Variants in AMPH observed in about 807,000 individuals in gnomAD.
AMPH encodes amphiphysin.
AMPH carries 49 observed loss-of-function variants against 99.1 expected under a neutral mutation model. That is an observed-to-expected ratio of 0.49 (90% CI 0.39 to 0.63). AMPH has a LOEUF of 0.63. Among genes scored for constraint, AMPH ranks in the 20% least tolerant of loss-of-function variants. AMPH has a pLI of 0.00. For missense variants in AMPH, 759 were observed against 863.4 expected (o/e 0.88, Z 1.52); for synonymous variants, 314 against 317.3 (o/e 0.99, Z 0.11).
At chr7:38,498,066 T>C (rs575205607) in intron 3 of AMPH, among the ~76,000 whole-genome samples, 1 of 152,322 alleles carries the variant, frequency 6.6e-6, no homozygotes, top group East Asian at 1.9e-4. Context: ...ACTTCACATG[T>C]CAAAAACAAA....
intron 1 of AMPH, among the ~76,000 whole-genome samples, chr7:38,566,669 A>G (rs554546654): frequency 6.6e-6 from 1 of 152,358 alleles, no homozygotes; most frequent in South Asian, 2.1e-4. Context: ...GCTAATATCC[A>G]GAATCTACAA....
rs544036143 is a variant in AMPH, at chr7:38,610,234, CAAAAAAA to C, written c.69+21042_69+21048del. On this transcript the variant is annotated intron_variant, in intron 1 of 20. Transcript: ENST00000356264. ...CCGGGCAACAAAAGCTAAGCTCTCT[CAAAAAAA>C]AAAAAAAAAAAAAAAAAAAAAAGAA... 6.5e-3 allele frequency among the ~76,000 whole-genome samples: 40 copies of C among 6,128 alleles called. 5 individuals carry two copies. The highest frequency in any genetic ancestry group is 0.016 in the Admixed American group (5 of 318). 4.0% of individuals were successfully genotyped at this position (6,128 alleles called of 152,430 possible).
At position 38,573,227 on chromosome 7, in the gene AMPH, T is replaced by C. The variant is rs116505335; in HGVS notation, c.70-38216A>G. On this transcript the variant is annotated intron_variant, in intron 1 of 20. Coordinates refer to ENST00000356264, the MANE Select transcript of AMPH (RefSeq NM_001635.4). ...GCTTCCCATGTCACACTCTCCATCATGGCCAAACTGGTTCAGCCTCAGTCC... is the reference window on the plus strand; with the variant it reads ...GCTTCCCATGTCACACTCTCCATCACGGCCAAACTGGTTCAGCCTCAGTCC... Among the ~76,000 whole-genome samples, 1,153 of 152,326 alleles carry C rather than the reference T, an allele frequency of 7.6e-3. 18 individuals carry two copies. The highest frequency in any genetic ancestry group is 0.039 in the South Asian group (189 of 4,828).
intron 12 of AMPH, among the ~76,000 whole-genome samples, chr7:38,435,306 T>A (rs769320706): frequency 6.6e-6 from 1 of 152,214 alleles, no homozygotes; most frequent in Non-Finnish European, 1.5e-5. Flanking sequence ...TAATCCTTAT[T>A]TATTAAGGTT....
At chr7:38,599,259 C>T (rs549291635) in intron 1 of AMPH, among the ~76,000 whole-genome samples, 1 of 152,278 alleles carries the variant, frequency 6.6e-6, no homozygotes, top group African/African-American at 2.4e-5. Context: ...ATTTCAACTG[C>T]ACTGGTCCAT....
At chr7:38,564,400 C>T (rs563673716) in intron 1 of AMPH, among the ~76,000 whole-genome samples, 27 of 152,276 alleles carry the variant, frequency 1.8e-4, no homozygotes, top group African/African-American at 5.8e-4. Flanking sequence ...GAAAAGTCCT[C>T]AAGTGGCAAG....
intron 1 of AMPH, among the ~76,000 whole-genome samples, chr7:38,598,538 G>A (rs55883929): frequency 9.0e-4 from 137 of 152,166 alleles, no homozygotes; most frequent in African/African-American, 3.1e-3. Flanking sequence ...TCCTGACCTC[G>A]TGATCCACCT....
intron 1 of AMPH, among the ~76,000 whole-genome samples, chr7:38,553,663 C>T (rs969511865): frequency 2.6e-5 from 4 of 152,188 alleles, no homozygotes; most frequent in African/African-American, 9.7e-5. Flanking sequence ...ATATTGTCCT[C>T]CTGAGCTTTC....
At chr7:38,497,143 G>A (rs995132524) in intron 3 of AMPH, among the ~76,000 whole-genome samples, 23 of 152,194 alleles carry the variant, frequency 1.5e-4, no homozygotes, top group Admixed American at 1.2e-3. Context: ...TGGATACACA[G>A]GTGAAAGGCT....
chr7:38,397,741 T>C (rs531740500), intron 17 of AMPH, among the ~76,000 whole-genome samples: 1 of 152,284 alleles, frequency 6.6e-6, no homozygotes, highest in South Asian at 2.1e-4. Context: ...GGAGAAAATA[T>C]TTGTGAACTA....
chr7:38,539,451 G>A (rs542572481), intron 1 of AMPH, among the ~76,000 whole-genome samples: 3 of 152,254 alleles, frequency 2.0e-5, no homozygotes, highest in African/African-American at 4.8e-5. Context: ...CTATAAGGGG[G>A]TCACACAGTA....
intron 1 of AMPH, among the ~76,000 whole-genome samples, chr7:38,597,457 A>G (rs1793100065): frequency 1.3e-5 from 2 of 152,226 alleles, no homozygotes; most frequent in Admixed American, 1.3e-4. Flanking sequence ...AAGGTAAAAC[A>G]TATGTTATAC....
intron 4 of AMPH, among the ~76,000 whole-genome samples, chr7:38,493,962 T>C (rs1788825263): frequency 6.6e-6 from 1 of 152,176 alleles, no homozygotes; most frequent in Non-Finnish European, 1.5e-5. Flanking sequence ...TTCACTTTTC[T>C]TTTATTTTCT....
intron 17 of AMPH, among the ~76,000 whole-genome samples, chr7:38,412,984 T>G (rs1002766555): frequency 1.3e-5 from 2 of 152,178 alleles, no homozygotes; most frequent in African/African-American, 4.8e-5. Flanking sequence ...CTGGGTCCAT[T>G]GCCATTTCTG....
chr7:38,579,615 C>G (rs1251881261), intron 1 of AMPH, among the ~76,000 whole-genome samples: 1 of 152,184 alleles, frequency 6.6e-6, no homozygotes, highest in African/African-American at 2.4e-5. Flanking sequence ...ACTCAATATC[C>G]TAAGACTTAA....
intron 16 of AMPH, among the ~76,000 whole-genome samples, 157 bp downstream of exon 16, chr7:38,422,264 G>A (rs1785605300): frequency 6.6e-6 from 1 of 152,138 alleles, no homozygotes; most frequent in African/African-American, 2.4e-5. Context: ...GTCACACTGA[G>A]GTTTTACAGA....
In AMPH at chr7:38,494,370, T is replaced by TC. The variant is rs1788844241; in HGVS notation, c.300+62dup. 5.1e-6 allele frequency: 7 copies of TC among 1,368,744 alleles called. 1 individual carries two copies. The highest frequency in any genetic ancestry group is 4.6e-5 in the East Asian group (2 of 43,504). The allele number at this position is 1,368,744 out of a possible 1,614,324, so 84.8% of individuals were successfully genotyped here. On this transcript the variant is annotated intron_variant, in intron 4 of 20. Coordinates refer to ENST00000356264, the MANE Select transcript of AMPH (RefSeq NM_001635.4). Reference sequence around the variant, plus strand: ...AAGACTGTGAAGTGGAAAGAGCAAGTCAGGGGACAGGTGGACTGAGCAAGG... The same window carrying TC: ...AAGACTGTGAAGTGGAAAGAGCAAGTCCAGGGGACAGGTGGACTGAGCAAGG...
intron 1 of AMPH, among the ~76,000 whole-genome samples, chr7:38,565,480 C>CTT (rs1024180330): frequency 6.6e-6 from 1 of 152,148 alleles, no homozygotes; most frequent in African/African-American, 2.4e-5. Flanking sequence ...TTCACATGGT[C>CTT]TTTTTTTCTG....
intron 17 of AMPH, among the ~76,000 whole-genome samples, chr7:38,399,296 G>A (rs78610293): frequency 0.058 from 8,847 of 152,240 alleles, 361 homozygotes; most frequent in East Asian, 0.19. Flanking sequence ...CACTATCTGC[G>A]TATCCTCATA....
Sources: allele counts gnomAD v4.1 joint callset (sites outside exome capture counted in the v4.1 genomes callset), GRCh38; gene constraint gnomAD v4.1.1; transcripts MANE v1.5; gene names NCBI Gene and HGNC (gene_info 2026-07-23, HGNC 2026-07-21).